Variants in ADAMTS20 observed in about 807,000 individuals in gnomAD.
ADAMTS20 encodes the protein A disintegrin and metalloproteinase with thrombospondin motifs 20.
ADAMTS20 carries 225 observed loss-of-function variants against 260.1 expected under a neutral mutation model. The observed-to-expected ratio is 0.87, with a 90% CI of 0.78 to 0.97. ADAMTS20 has a LOEUF of 0.97. Among genes scored for constraint, ADAMTS20 ranks in the 50% least tolerant of loss-of-function variants. The pLI is 0.00. For synonymous variants in ADAMTS20, 802 were observed against 769.5 expected (o/e 1.04, Z -0.70); for missense variants, 2,400 against 2,337.7 (o/e 1.03, Z -0.55).
intron 28 of ADAMTS20, among the ~76,000 whole-genome samples, chr12:43,420,732 C>G (rs966884810): frequency 3.3e-5 from 5 of 149,896 alleles, no homozygotes; most frequent in Admixed American, 6.7e-5. Context: ...TCAGATTTAC[C>G]GGTGTTTGCT....
chr12:43,542,702 T>C (rs920847647), intron 2 of ADAMTS20, among the ~76,000 whole-genome samples: 1 of 152,228 alleles, frequency 6.6e-6, no homozygotes, highest in Non-Finnish European at 1.5e-5. Context: ...CCTTTTAGGC[T>C]TTGGCAACTG....
intron 3 of ADAMTS20, 36 bp downstream of exon 3, chr12:43,532,000 C>T (rs748355558): frequency 1.7e-5 from 24 of 1,377,348 alleles, no homozygotes; most frequent in Non-Finnish European, 2.0e-5. Flanking sequence ...AATAGTATCA[C>T]TATTTAGCTG....
intron 3 of ADAMTS20, among the ~76,000 whole-genome samples, chr12:43,514,200 C>T (rs1942965070): frequency 6.6e-6 from 1 of 151,686 alleles, no homozygotes; most frequent in African/African-American, 2.4e-5. Context: ...AATCTTCCCA[C>T]CTCTGCCTCC....
intron 3 of ADAMTS20, among the ~76,000 whole-genome samples, chr12:43,505,056 A>T (rs973098040): frequency 6.6e-6 from 1 of 152,234 alleles, no homozygotes; most frequent in African/African-American, 2.4e-5. Flanking sequence ...GAACTGCAAT[A>T]GAGACCCCAG....
At chr12:43,510,581 A>G (rs1342935012) in intron 3 of ADAMTS20, among the ~76,000 whole-genome samples, 1 of 152,084 alleles carries the variant, frequency 6.6e-6, no homozygotes, top group African/African-American at 2.4e-5. Context: ...TCTATGTAAT[A>G]CATCCCTTTC....
chr12:43,432,492 A>G, intron 20 of ADAMTS20, 24 bp from the exon 21 acceptor site: 1 of 1,594,534 alleles, frequency 6.3e-7, no homozygotes, highest in South Asian at 1.1e-5. Context: ...AAAAAGTGGT[A>G]ACTAATGGAA....
At position 43,362,396 on chromosome 12, in the gene ADAMTS20, A is replaced by G. The variant is rs113231647; in HGVS notation, c.5539-5808T>C. On this transcript the variant is annotated intron_variant, in intron 37 of 38. Coordinates refer to ENST00000389420, the MANE Select transcript of ADAMTS20 (RefSeq NM_025003.5). ...CAGAGTCACCATGTTGGAGGTAGGT[A>G]CTCATCACCAATATGGGTGAAATAG... Among the ~76,000 whole-genome samples, 127 of 152,310 alleles carry G rather than the reference A, an allele frequency of 8.3e-4. 2 individuals carry two copies. Among genetic ancestry groups the G allele is most frequent in the African/African-American group, 2.7e-3 (113 of 41,572 alleles).
Position 43,408,367 on chromosome 12 carries a change from C to G in ADAMTS20, c.4285-9134G>C, listed in dbSNP as rs901099611. On this transcript the variant is annotated intron_variant, in intron 28 of 38. Coordinates refer to ENST00000389420, the MANE Select transcript of ADAMTS20 (RefSeq NM_025003.5). ...AAAATATCTAAAGCATACCTTTTTACAAAAATATTGTCTTTTAAGGCATTA... is the reference window on the plus strand; with the variant it reads ...AAAATATCTAAAGCATACCTTTTTAGAAAAATATTGTCTTTTAAGGCATTA... 2.6e-5 allele frequency among the ~76,000 whole-genome samples: 4 copies of G among 152,042 alleles called. No homozygotes were observed. The East Asian group carries it at 7.7e-4, about 29-fold the overall frequency.
At chr12:43,372,532 T>C (rs1337265455) in intron 36 of ADAMTS20, among the ~76,000 whole-genome samples, 1 of 152,136 alleles carries the variant, frequency 6.6e-6, no homozygotes, top group Non-Finnish European at 1.5e-5. Context: ...TTACTATAAA[T>C]GAACACAAAG....
intron 3 of ADAMTS20, among the ~76,000 whole-genome samples, chr12:43,529,349 A>G (rs1943189573): frequency 6.6e-6 from 1 of 152,180 alleles, no homozygotes; most frequent in South Asian, 2.1e-4. Flanking sequence ...AGACACATGC[A>G]CACATATGTT....
intron 28 of ADAMTS20, among the ~76,000 whole-genome samples, chr12:43,421,282 C>CACACAA (rs368419833): frequency 0.065 from 7,699 of 118,850 alleles, 433 homozygotes; most frequent in East Asian, 0.33. Context: ...CTTTCATTTA[C>CACACAA]AAAAAAAAAA....
At chr12:43,398,268 A>G (rs1286492785) in intron 29 of ADAMTS20, among the ~76,000 whole-genome samples, 1 of 152,106 alleles carries the variant, frequency 6.6e-6, no homozygotes, top group Non-Finnish European at 1.5e-5. Flanking sequence ...ATATTTCCCA[A>G]GCTGGTGGTG....
At chr12:43,402,475 T>C (rs1940828867) in intron 28 of ADAMTS20, among the ~76,000 whole-genome samples, 1 of 152,004 alleles carries the variant, frequency 6.6e-6, no homozygotes, top group South Asian at 2.1e-4. Flanking sequence ...AAGGAATACA[T>C]CCAGTATTTT....
chr12:43,421,296 A>C (rs902033297), intron 28 of ADAMTS20, among the ~76,000 whole-genome samples: 2 of 151,582 alleles, frequency 1.3e-5, no homozygotes, highest in South Asian at 2.1e-4. Flanking sequence ...AAAAAAAAAA[A>C]AACTTTCTCT....
intron 28 of ADAMTS20, among the ~76,000 whole-genome samples, chr12:43,413,852 A>G (rs1043420869): frequency 6.6e-6 from 1 of 152,142 alleles, no homozygotes; most frequent in African/African-American, 2.4e-5. Flanking sequence ...TCCTTCAGGA[A>G]TCTTTCCCAT....
chr12:43,499,520 T>G (rs967852317), intron 4 of ADAMTS20, among the ~76,000 whole-genome samples: 11 of 149,706 alleles, frequency 7.3e-5, no homozygotes, highest in Non-Finnish European at 1.5e-4. Context: ...GATGGAGTCT[T>G]GCTCTGTCAC....
intron 29 of ADAMTS20, among the ~76,000 whole-genome samples, chr12:43,390,505 G>C (rs1361529286): frequency 1.3e-5 from 2 of 152,140 alleles, no homozygotes; most frequent in Non-Finnish European, 2.9e-5. Flanking sequence ...GCAGTCAAGA[G>C]AAGCCAAGTT....
At chr12:43,444,054 T>C (rs1451198122) in intron 15 of ADAMTS20, among the ~76,000 whole-genome samples, 171 bp from the exon 16 acceptor site, 1 of 152,190 alleles carries the variant, frequency 6.6e-6, no homozygotes. Flanking sequence ...CACAAATTAC[T>C]GAGGATTGAG....
At position 43,431,339 on chromosome 12, in the gene ADAMTS20, C is replaced by T. The variant is rs555098777; in HGVS notation, c.3254G>A (p.Trp1085Ter). The T allele has an allele frequency of 1.2e-5, 20 of 1,613,668 alleles. No homozygotes were observed. The highest frequency in any genetic ancestry group is 2.2e-5 in the East Asian group (1 of 44,868). ...HTCASWQVGPWGPCTTTCGHG... is the reference protein window; with the variant it reads ...HTCASWQVGP The stretch of plus-strand genomic sequence containing the variant: ...CCCATATCATATACTCACAGGACCC[C>T]ATGGTCCTACTTGCCAGGAAGCACA... Residue 1085 changes from tryptophan (W) to a stop codon, truncating the protein, a stop_gained, in exon 22 of 39, where the codon TGG (tryptophan) becomes TAG (stop). Transcript: ENST00000389420. LOFTEE classifies it high-confidence loss of function.
Sources: allele counts gnomAD v4.1 joint callset (sites outside exome capture counted in the v4.1 genomes callset), GRCh38; gene constraint gnomAD v4.1.1; transcripts MANE v1.5; gene names NCBI Gene and HGNC (gene_info 2026-07-23, HGNC 2026-07-21).